The following PSMB7 variants were observed in gnomAD, a reference collection of about 807,000 sequenced individuals.
PSMB7 encodes the protein proteasome subunit beta type-7.
In PSMB7, 5 loss-of-function variants were observed where a neutral mutation model predicts 28.1. The ratio of observed to expected loss-of-function variants is 0.18; its 90% confidence interval spans 0.09 to 0.37. The LOEUF is 0.37. Ranked by LOEUF, PSMB7 falls within the 10% of genes least tolerant of loss-of-function variation. PSMB7 has a pLI of 1.00. For synonymous variants in PSMB7, 122 were observed against 123.7 expected (o/e 0.99, Z 0.09); for missense variants, 275 against 346.2 (o/e 0.79, Z 1.63).
intron 1 of PSMB7, 141 bp downstream of exon 1, chr9:124,415,223 C>A: frequency 1.1e-6 from 1 of 926,760 alleles, no homozygotes. Context: ...GGCCCTGATT[C>A]CCCTGAGTCA....
In PSMB7 at chr9:124,414,025, T is replaced by G; in HGVS notation, c.157-20A>C. 1 of 1,538,674 alleles carries G rather than the reference T, an allele frequency of 6.5e-7. No individual in the cohort carries two copies. The highest frequency in any genetic ancestry group is 1.4e-5 in the African/African-American group (1 of 73,048). ...GCCATCCTATTAAAAAAAAAAGTTT[T>G]TAAACAATTTTACAAATATAAGCCA... On this transcript the variant is annotated intron_variant, in intron 2 of 7. Coordinates refer to ENST00000259457, the MANE Select transcript of PSMB7 (RefSeq NM_002799.4).
intron 6 of PSMB7, among the ~76,000 whole-genome samples, chr9:124,378,156 G>A (rs956256116): frequency 6.6e-6 from 1 of 152,224 alleles, no homozygotes; most frequent in African/African-American, 2.4e-5. Flanking sequence ...TGAGATTCTA[G>A]CAAAAGAATT....
At chr9:124,414,739 G>T (rs539451927) in intron 2 of PSMB7, 103 bp downstream of exon 2, 8 of 883,902 alleles carry the variant, frequency 9.1e-6, no homozygotes, top group Non-Finnish European at 1.5e-5. Context: ...GTATTCTATA[G>T]CATTTGCCTT....
rs114964930 is a variant in PSMB7, at chr9:124,358,839, T to C, written c.571-1924A>G. ...GTGTCTAGAGCCAGCCAGCAGTACC[T>C]GGCAGACATCGCGACCCTGCGGGCA... On this transcript the variant is annotated intron_variant, in intron 6 of 7. Coordinates refer to ENST00000259457, the MANE Select transcript of PSMB7 (RefSeq NM_002799.4). Among the ~76,000 whole-genome samples the C allele has an allele frequency of 1.3e-3, 205 of 152,388 alleles. 1 individual carries two copies. The highest frequency in any genetic ancestry group is 4.8e-3 in the African/African-American group (200 of 41,596).
chr9:124,384,370 G>A (rs1049022185), intron 6 of PSMB7, among the ~76,000 whole-genome samples: 1 of 152,178 alleles, frequency 6.6e-6, no homozygotes, highest in African/African-American at 2.4e-5. Context: ...CCAAAGCCCA[G>A]AGCAAAAAGC....
At chr9:124,371,353 A>G (rs1279700007) in intron 6 of PSMB7, among the ~76,000 whole-genome samples, 1 of 152,214 alleles carries the variant, frequency 6.6e-6, no homozygotes, top group African/African-American at 2.4e-5. Context: ...GTGGAAATCC[A>G]TTGTTCCAAG....
rs1237374405 is a variant in PSMB7 at position 124,356,979 on chromosome 9, A to G, written c.571-64T>C. 2.6e-5 allele frequency: 42 copies of G among 1,590,926 alleles called. No individual in the cohort carries two copies. Among genetic ancestry groups the G allele is most frequent in the Middle Eastern group, 1.7e-4 (1 of 5,956 alleles). The stretch of plus-strand genomic sequence containing the variant: ...ACTAGGGCCTGCTCTGACATCCGCA[A>G]TGTACGTCCACTAGCAGTGCGCAAG... On this transcript the variant is annotated intron_variant, in intron 6 of 7. Coordinates refer to ENST00000259457, the MANE Select transcript of PSMB7 (RefSeq NM_002799.4). The surrounding 1 kb of genome is among the most constrained non-coding windows in gnomAD (Gnocchi z 4.4).
intron 5 of PSMB7, among the ~76,000 whole-genome samples, chr9:124,385,143 G>C (rs544350315): frequency 6.6e-6 from 1 of 152,324 alleles, no homozygotes; most frequent in South Asian, 2.1e-4. Context: ...AGAAACTACC[G>C]CACCAGCAAT....
intron 5 of PSMB7, among the ~76,000 whole-genome samples, chr9:124,403,886 ATTTTTTTT>A (rs35168987): frequency 7.2e-6 from 1 of 138,238 alleles, no homozygotes; most frequent in East Asian, 2.2e-4. Context: ...CTGTCCTGAC[ATTTTTTTT>A]TTTTTTTTTT....
Position 124,412,441 on chromosome 9 carries a change from A to C in PSMB7, c.306T>G (p.Ile102Met), listed in dbSNP as rs894748187. Residue 102 changes from isoleucine (I) to methionine (M), a missense_variant, in exon 4 of 8, where the codon ATT becomes ATG. By Grantham distance (10) the Ile-to-Met change is conservative. This residue lies in a region of PSMB7 where 213 missense variants were observed against 302.4 expected (regional missense o/e 0.70). Coordinates refer to ENST00000259457, the MANE Select transcript of PSMB7 (RefSeq NM_002799.4). ...GGGAGTGGAGCTCCAGGTTGGAAGA[A>C]ATGAGCTGGGTTGTCATGTCTGTGT... ...AADTDMTTQL[I>M]SSNLELHSLS... 14 of 1,614,186 alleles carry C rather than the reference A, an allele frequency of 8.7e-6. No individual in the cohort carries two copies. Among genetic ancestry groups the C allele is most frequent in the Non-Finnish European group, 1.2e-5 (14 of 1,180,022 alleles).
intron 6 of PSMB7, among the ~76,000 whole-genome samples, chr9:124,374,209 T>C (rs1830587779): frequency 6.6e-6 from 1 of 152,200 alleles, no homozygotes; most frequent in Non-Finnish European, 1.5e-5. Flanking sequence ...AGTGGATTAG[T>C]TATTGCCCAG....
At chr9:124,401,946 G>C (rs1481485875) in intron 5 of PSMB7, among the ~76,000 whole-genome samples, 1 of 151,328 alleles carries the variant, frequency 6.6e-6, no homozygotes. Context: ...TTGAACCCGG[G>C]AAGCAGGGGT....
intron 5 of PSMB7, among the ~76,000 whole-genome samples, chr9:124,392,476 T>C (rs976310482): frequency 1.6e-4 from 24 of 152,230 alleles, no homozygotes; most frequent in Admixed American, 1.3e-3. Context: ...GCAGCCCTAC[T>C]GAACTAGGTT....
intron 6 of PSMB7, among the ~76,000 whole-genome samples, chr9:124,376,007 C>T (rs74859011): frequency 0.033 from 4,970 of 152,220 alleles, 282 homozygotes; most frequent in African/African-American, 0.11. Context: ...ATTCATATGC[C>T]GCTTGTCAGG....
At chr9:124,398,921 G>A (rs1830869541) in intron 5 of PSMB7, among the ~76,000 whole-genome samples, 1 of 148,034 alleles carries the variant, frequency 6.8e-6, no homozygotes, top group South Asian at 2.1e-4. Flanking sequence ...AATTTTAACT[G>A]AAAATAATGT....
chr9:124,377,539 T>C (rs1388087310), intron 6 of PSMB7, among the ~76,000 whole-genome samples: 1 of 152,212 alleles, frequency 6.6e-6, no homozygotes, highest in Non-Finnish European at 1.5e-5. Flanking sequence ...CAGAAAACCA[T>C]ATTGGTATCA....
chr9:124,402,154 C>G (rs1286115807), intron 5 of PSMB7, among the ~76,000 whole-genome samples: 1 of 152,196 alleles, frequency 6.6e-6, no homozygotes, highest in Non-Finnish European at 1.5e-5. Flanking sequence ...CAAAACCAGT[C>G]TGTGTGGAGT....
At position 124,405,402 on chromosome 9, in the gene PSMB7, A is replaced by G. The variant is rs1200763822; in HGVS notation, c.426T>C (p.Val142=). The change falls in exon 5 of 8, where the codon GTT becomes GTC. Residue 142 remains valine (V), a synonymous_variant. Transcript: ENST00000259457. ...RYQGYIGAAL[V]LGGVDVTGPH... ...GTCCAGTAACATCTACTCCCCCTAA[A>G]ACTAGGGCTGCACCAATGTAACCTT... 2 of 1,613,284 alleles carry G rather than the reference A, an allele frequency of 1.2e-6. No individual in the cohort carries two copies. The highest frequency in any genetic ancestry group is 3.3e-5 in the Admixed American group (2 of 60,012).
intron 5 of PSMB7, among the ~76,000 whole-genome samples, chr9:124,403,598 G>A (rs577343009): frequency 6.6e-6 from 1 of 151,972 alleles, no homozygotes; most frequent in Non-Finnish European, 1.5e-5. Context: ...GGAAGAGAGG[G>A]GGCAAAAAAA....
Sources: gnomAD v4.1 joint callset for allele counts (sites outside exome capture counted in the v4.1 genomes callset) on GRCh38, gnomAD v4.1.1 for gene constraint, gnomAD v4.1.1 regional missense constraint, Gnocchi (gnomAD v3.1) non-coding constraint, MANE v1.5 for transcripts, NCBI Gene and HGNC (gene_info 2026-07-23, HGNC 2026-07-21) for gene names.